The following KCND2 variants were observed in gnomAD, a reference collection of about 807,000 sequenced individuals.
KCND2 encodes the protein potassium voltage-gated channel subfamily D member 2, also known as A-type voltage-gated potassium channel KCND2.
Under a neutral mutation model 54.4 loss-of-function variants are expected in KCND2, and 16 were observed. The observed-to-expected ratio is 0.29, with a 90% CI of 0.20 to 0.45. The LOEUF is 0.45. KCND2 is among the 20% of genes least tolerant of loss of function. KCND2 has a pLI of 1.00. For missense variants in KCND2, 486 were observed against 824.2 expected, an observed-to-expected ratio of 0.59 and a Z score of 5.02; for synonymous variants, 317 against 310.7, an observed-to-expected ratio of 1.02 and a Z score of -0.21.
intron 2 of KCND2, among the ~76,000 whole-genome samples, chr7:120,736,304 T>A (rs1792869560): frequency 6.6e-6 from 1 of 152,072 alleles, no homozygotes; most frequent in African/African-American, 2.4e-5. Context: ...AGGGAATACA[T>A]GGTTTACCCC....
At chr7:120,397,410 C>T (rs998781352) in intron 1 of KCND2, among the ~76,000 whole-genome samples, 1 of 151,986 alleles carries the variant, frequency 6.6e-6, no homozygotes, top group Non-Finnish European at 1.5e-5. Flanking sequence ...TTGGCCACAA[C>T]TACAAGGTAT....
intron 1 of KCND2, among the ~76,000 whole-genome samples, chr7:120,554,554 G>A (rs112366259): frequency 0.041 from 6,202 of 151,920 alleles, 158 homozygotes; most frequent in Non-Finnish European, 0.066. Context: ...GACTACAGGC[G>A]CCCGCCACCA....
intron 1 of KCND2, among the ~76,000 whole-genome samples, chr7:120,604,237 C>T (rs1365995173): frequency 6.6e-6 from 1 of 151,388 alleles, no homozygotes; most frequent in African/African-American, 2.4e-5. Context: ...CACGGTGGCT[C>T]ACGCCTGTAA....
intron 1 of KCND2, among the ~76,000 whole-genome samples, chr7:120,611,886 C>A (rs1049362029): frequency 2.0e-5 from 3 of 152,156 alleles, no homozygotes; most frequent in African/African-American, 7.2e-5. Context: ...AGGAAGAAAT[C>A]TTTGGCTCAT....
At chr7:120,385,427 G>A (rs907911160) in intron 1 of KCND2, among the ~76,000 whole-genome samples, 7 of 151,998 alleles carry the variant, frequency 4.6e-5, no homozygotes, top group Admixed American at 2.6e-4. Context: ...AATGTTGGTC[G>A]AATAAGTGAC....
intron 1 of KCND2, among the ~76,000 whole-genome samples, chr7:120,651,132 C>T (rs1429221017): frequency 2.1e-5 from 3 of 143,286 alleles, no homozygotes; most frequent in Non-Finnish European, 4.5e-5. Flanking sequence ...AACCACTACT[C>T]TCTTCAAAGC....
At chr7:120,493,004 G>A (rs867657375) in intron 1 of KCND2, among the ~76,000 whole-genome samples, 16 of 152,050 alleles carry the variant, frequency 1.1e-4, no homozygotes, top group African/African-American at 3.6e-4. Flanking sequence ...TCGTAAGTAA[G>A]GGTCATCTGT....
At chr7:120,577,778 G>A (rs553958659) in intron 1 of KCND2, among the ~76,000 whole-genome samples, 210 of 152,224 alleles carry the variant, frequency 1.4e-3, no homozygotes, top group African/African-American at 4.9e-3. Flanking sequence ...GTAGAGATGG[G>A]ATTTCACCGT....
At chr7:120,433,916 G>T (rs1278007404) in intron 1 of KCND2, among the ~76,000 whole-genome samples, 1 of 152,154 alleles carries the variant, frequency 6.6e-6, no homozygotes, top group Non-Finnish European at 1.5e-5. Flanking sequence ...TAGCAAGTAT[G>T]TCTCATACTA....
intron 1 of KCND2, among the ~76,000 whole-genome samples, chr7:120,458,809 A>T (rs980737524): frequency 1.3e-5 from 2 of 150,974 alleles, no homozygotes; most frequent in Non-Finnish European, 3.0e-5. Flanking sequence ...AATCCTCTTG[A>T]CTCTTCCTTC....
At chr7:120,697,528 T>C (rs1160418620) in intron 1 of KCND2, among the ~76,000 whole-genome samples, 1 of 152,218 alleles carries the variant, frequency 6.6e-6, no homozygotes, top group African/African-American at 2.4e-5. Flanking sequence ...ATTTTTTTGC[T>C]GTATACTTTA....
intron 1 of KCND2, among the ~76,000 whole-genome samples, chr7:120,328,094 T>A (rs998111286): frequency 4.6e-5 from 7 of 152,124 alleles, no homozygotes; most frequent in Admixed American, 3.9e-4. Flanking sequence ...ACAGCCCTTG[T>A]ATTTCATGAT....
At chr7:120,320,661 G>A (rs918040502) in intron 1 of KCND2, among the ~76,000 whole-genome samples, 26 of 152,206 alleles carry the variant, frequency 1.7e-4, no homozygotes, top group Middle Eastern at 3.4e-3. Context: ...AAAGTTTATT[G>A]TAGTGGTTTC....
chr7:120,682,465 G>A (rs1286524398), intron 1 of KCND2, among the ~76,000 whole-genome samples: 1 of 152,044 alleles, frequency 6.6e-6, no homozygotes, highest in Non-Finnish European at 1.5e-5. Context: ...CCTTAACTGT[G>A]CTATTCTTTC....
At chr7:120,469,664 C>A (rs1435704372) in intron 1 of KCND2, among the ~76,000 whole-genome samples, 1 of 152,074 alleles carries the variant, frequency 6.6e-6, no homozygotes, top group Non-Finnish European at 1.5e-5. Context: ...AGTCGAAAAC[C>A]AAATTAGCAG....
intron 1 of KCND2, among the ~76,000 whole-genome samples, chr7:120,613,517 C>G (rs112468966): frequency 1.3e-5 from 2 of 151,986 alleles, no homozygotes; most frequent in South Asian, 2.1e-4. Context: ...GGAGACAGAG[C>G]GAGACTCCAT....
At chr7:120,590,942 C>T (rs974135455) in intron 1 of KCND2, among the ~76,000 whole-genome samples, 5 of 152,016 alleles carry the variant, frequency 3.3e-5, no homozygotes, top group Non-Finnish European at 7.4e-5. Flanking sequence ...TTGTGTTTAT[C>T]TTTTAGATGG....
intron 1 of KCND2, among the ~76,000 whole-genome samples, chr7:120,505,326 A>G (rs965482677): frequency 6.6e-6 from 1 of 151,676 alleles, no homozygotes; most frequent in Non-Finnish European, 1.5e-5. Flanking sequence ...ATCTCAGGGC[A>G]GAGTACGAAG....
chr7:120,326,993 A>G (rs1050985526), intron 1 of KCND2, among the ~76,000 whole-genome samples: 2 of 152,074 alleles, frequency 1.3e-5, no homozygotes. Flanking sequence ...ATTTATTTAC[A>G]ATTGTTAAGT....
Sources: allele counts gnomAD v4.1 joint callset (sites outside exome capture counted in the v4.1 genomes callset), GRCh38; gene constraint gnomAD v4.1.1; transcripts MANE v1.5; gene names NCBI Gene and HGNC (gene_info 2026-07-23, HGNC 2026-07-21).